Variants in BAZ1A observed in about 807,000 individuals in gnomAD.
The protein encoded by BAZ1A is bromodomain adjacent to zinc finger domain 1A.
Under a neutral mutation model 185.2 loss-of-function variants are expected in BAZ1A, and 50 were observed. The ratio of observed to expected loss-of-function variants is 0.27; its 90% CI spans 0.22 to 0.34. BAZ1A has a LOEUF of 0.34. Among genes scored for constraint, BAZ1A ranks in the 10% least tolerant of loss-of-function variants. The probability of loss-of-function intolerance (pLI) is 1.00; values close to 1 mark genes in which losing one functional copy is unlikely to be tolerated. For synonymous variants in BAZ1A, 571 were observed against 615.6 expected (o/e 0.93, Z 1.07); for missense variants, 1,356 against 1,839.9 (o/e 0.74, Z 4.81).
chr14:34,853,590 A>G (rs748210358), intron 3 of BAZ1A, among the ~76,000 whole-genome samples: 1 of 152,080 alleles, frequency 6.6e-6, no homozygotes, highest in Non-Finnish European at 1.5e-5. Context: ...TTTGAGACCA[A>G]CCTGGCCAAT....
intron 4 of BAZ1A, among the ~76,000 whole-genome samples, chr14:34,820,988 G>A (rs534026843): frequency 6.6e-6 from 1 of 152,210 alleles, no homozygotes; most frequent in South Asian, 2.1e-4. Context: ...TTGAAGCTGG[G>A]TAGTGTCAGT....
intron 10 of BAZ1A, among the ~76,000 whole-genome samples, chr14:34,795,132 A>T (rs1243872659): frequency 6.6e-6 from 1 of 152,202 alleles, no homozygotes. Flanking sequence ...TTTCTTCCTT[A>T]TACTAAGAAC....
intron 24 of BAZ1A, among the ~76,000 whole-genome samples, chr14:34,759,196 T>TGTTTTTTTTTTTTTTTTG (rs1382700547): frequency 9.2e-6 from 1 of 109,248 alleles, no homozygotes; most frequent in Non-Finnish European, 2.0e-5. Context: ...TTTTTTTTTT[T>TGTTTTTTTTTTTTTTTTG]TTGAGATGGA....
rs1354524227 is a variant in BAZ1A, at chr14:34,786,603, GTGT to G, written c.1511-385_1511-383del. ...TTAAAGATACTCCAATCTTTTATGTGTGTTTTTTTTTTTTTTTTTTTTGAGATG... is the reference window on the plus strand; with the variant it reads ...TTAAAGATACTCCAATCTTTTATGTGTTTTTTTTTTTTTTTTTTTGAGATG... On this transcript the variant is annotated intron_variant, in intron 12 of 26. Transcript: ENST00000360310. 6.5e-4 allele frequency: 70 copies of G among 106,886 alleles called. 3 individuals carry two copies. The highest frequency in any genetic ancestry group is 2.4e-3 in the African/African-American group (64 of 27,004). 6.6% of individuals were successfully genotyped at this position (106,886 alleles called of 1,614,324 possible). A position where few individuals can be genotyped will look rare whatever the true frequency, so the allele number is the denominator to read the frequency against.
At chr14:34,805,641 A>G (rs1881814310) in intron 6 of BAZ1A, among the ~76,000 whole-genome samples, 1 of 99,032 alleles carries the variant, frequency 1.0e-5, no homozygotes, top group Non-Finnish European at 2.7e-5. Context: ...CTATAGACAG[A>G]GCATAATTGA....
At chr14:34,780,888 G>T (rs1033804845) in intron 16 of BAZ1A, among the ~76,000 whole-genome samples, 1 of 152,128 alleles carries the variant, frequency 6.6e-6, no homozygotes, top group African/African-American at 2.4e-5. Context: ...GAAAGTAGAT[G>T]AGGGGAGATC....
chr14:34,774,224 A>C (rs901525176), intron 19 of BAZ1A, 103 bp downstream of exon 19: 2 of 873,434 alleles, frequency 2.3e-6, no homozygotes, highest in African/African-American at 3.5e-5. Flanking sequence ...TCTGGTGTTT[A>C]TTCAAAACAC....
At position 34,784,367 on chromosome 14, in the gene BAZ1A, C is replaced by CCAAAAAAAAAAAAAAAAAAAAAA. The variant is rs1225939081; in HGVS notation, c.1832-441_1832-440insTTTTTTTTTTTTTTTTTTTTTTG. On this transcript the variant is annotated intron_variant, in intron 14 of 26. Transcript: ENST00000360310. ...TGGGCAACTGAGTGAGACTCTGTCT[C>CCAAAAAAAAAAAAAAAAAAAAAA]AAAAAAAAAAAAAAAAAAAAAAAAA... 5.6e-4 allele frequency among the ~76,000 whole-genome samples: 43 copies of CCAAAAAAAAAAAAAAAAAAAAAA among 77,178 alleles called. 9 individuals carry two copies. Among genetic ancestry groups the CCAAAAAAAAAAAAAAAAAAAAAA allele is most frequent in the African/African-American group, 1.1e-3 (18 of 16,420 alleles). The allele number at this position is 77,178 out of a possible 152,430, so 50.6% of individuals were successfully genotyped here. A position where few individuals can be genotyped will look rare whatever the true frequency, so the allele number is the denominator to read the frequency against.
chr14:34,799,757 G>A (rs367866609), intron 9 of BAZ1A, among the ~76,000 whole-genome samples: 2 of 151,852 alleles, frequency 1.3e-5, no homozygotes, highest in East Asian at 1.9e-4. Flanking sequence ...GATTACAGGC[G>A]CATACTACCA....
rs1192197844 is a variant in BAZ1A, at chr14:34,758,115, CAA to C, written c.4386+587_4386+588del. 6.6e-4 allele frequency among the ~76,000 whole-genome samples: 41 copies of C among 62,398 alleles called. 1 individual carries two copies. In the South Asian group the frequency reaches 9.6e-3, roughly 15 times the overall value. The allele number at this position is 62,398 out of a possible 152,430, so 40.9% of individuals were successfully genotyped here. ...CTGGCAATGAAGTGAGACCCTGTCT[CAA>C]AAAAAAAAAAAAAAAAACAGCTGGA... On this transcript the variant is annotated intron_variant, in intron 25 of 26. Coordinates refer to ENST00000360310, the MANE Select transcript of BAZ1A (RefSeq NM_013448.3).
At chr14:34,801,035 C>A in intron 8 of BAZ1A, 59 bp downstream of exon 8, 1 of 1,258,300 alleles carries the variant, frequency 7.9e-7, no homozygotes, top group Non-Finnish European at 1.1e-6. Flanking sequence ...CCCACTCAGG[C>A]ACAGAGAAAT....
At chr14:34,783,290 A>G (rs1180298683) in intron 15 of BAZ1A, 58 bp from the exon 16 acceptor site, 1 of 1,026,078 alleles carries the variant, frequency 9.7e-7, no homozygotes. Flanking sequence ...TTTCACTTTT[A>G]GCATCTTGTC....
intron 4 of BAZ1A, among the ~76,000 whole-genome samples, chr14:34,815,721 C>T (rs552750143): frequency 8.6e-4 from 130 of 152,028 alleles, no homozygotes; most frequent in African/African-American, 2.8e-3. Context: ...AAAAATTAAA[C>T]AATTTTCTGT....
At chr14:34,809,474 A>C (rs1465125903) in intron 5 of BAZ1A, among the ~76,000 whole-genome samples, 1 of 152,222 alleles carries the variant, frequency 6.6e-6, no homozygotes, top group African/African-American at 2.4e-5. Context: ...CATACATGTA[A>C]CATTTCCATT....
intron 11 of BAZ1A, among the ~76,000 whole-genome samples, chr14:34,793,704 G>C (rs1483104517): frequency 6.6e-6 from 1 of 152,150 alleles, no homozygotes; most frequent in Non-Finnish European, 1.5e-5. Context: ...CAGCACTTTG[G>C]GAGGCCGAGG....
In BAZ1A at chr14:34,832,215, C is replaced by CACACACACATATATATATAT; in HGVS notation, c.393-6060_393-6059insATATATATATATGTGTGTGT. The stretch of plus-strand genomic sequence containing the variant: ...ATACACACACACACACACACACACA[C>CACACACACATATATATATAT]ATATATATATATATATGTATGTATG... On this transcript the variant is annotated intron_variant, in intron 3 of 26. Coordinates refer to ENST00000360310, the MANE Select transcript of BAZ1A (RefSeq NM_013448.3). 5.8e-4 allele frequency among the ~76,000 whole-genome samples: 52 copies of CACACACACATATATATATAT among 89,708 alleles called. 1 individual carries two copies. Among genetic ancestry groups the CACACACACATATATATATAT allele is most frequent in the Non-Finnish European group, 9.6e-4 (41 of 42,732 alleles). The allele number at this position is 89,708 out of a possible 152,430, so 58.9% of individuals were successfully genotyped here.
At chr14:34,873,460 G>A (rs535265203) in intron 2 of BAZ1A, among the ~76,000 whole-genome samples, 2 of 152,254 alleles carry the variant, frequency 1.3e-5, no homozygotes, top group South Asian at 2.1e-4. Context: ...GATCTCTTGG[G>A]ATAAATTAAG....
chr14:34,828,274 C>CA (rs1341972350), intron 3 of BAZ1A, among the ~76,000 whole-genome samples: 1 of 107,900 alleles, frequency 9.3e-6, no homozygotes, highest in Non-Finnish European at 1.7e-5. Context: ...GCCTGGGCAA[C>CA]AAGAGCGAAA....
At chr14:34,794,664 A>C (rs1281402770) in intron 11 of BAZ1A, 85 bp downstream of exon 11, 10 of 1,402,718 alleles carry the variant, frequency 7.1e-6, no homozygotes, top group South Asian at 1.4e-5. Context: ...GTGCCCCCAC[A>C]GAACTTTACA....
Sources: gnomAD v4.1 joint callset for allele counts (sites outside exome capture counted in the v4.1 genomes callset) on GRCh38, gnomAD v4.1.1 for gene constraint, MANE v1.5 for transcripts, NCBI Gene and HGNC (gene_info 2026-07-23, HGNC 2026-07-21) for gene names.